The following OPCML variants were observed in gnomAD, a reference collection of about 807,000 sequenced individuals.
The protein encoded by OPCML is opioid-binding protein/cell adhesion molecule.
OPCML carries 13 observed loss-of-function variants against 37.8 expected under a neutral mutation model. The ratio of observed to expected loss-of-function variants is 0.34; its 90% confidence interval spans 0.22 to 0.55. OPCML has a LOEUF of 0.55. Among genes scored for constraint, OPCML ranks in the 20% least tolerant of loss-of-function variants. The pLI, the probability that OPCML is intolerant of heterozygous loss-of-function variation, is 0.91. For synonymous variants in OPCML, 176 were observed against 168.8 expected (o/e 1.04, Z -0.33); for missense variants, 341 against 435.6 (o/e 0.78, Z 1.93).
At chr11:133,057,791 A>T (rs1318569099) in intron 1 of OPCML, among the ~76,000 whole-genome samples, 3 of 152,060 alleles carry the variant, frequency 2.0e-5, no homozygotes, top group Non-Finnish European at 4.4e-5. Context: ...TGACCCTCTC[A>T]AGTCCTTAGT....
intron 2 of OPCML, among the ~76,000 whole-genome samples, chr11:132,831,483 T>C (rs1167971114): frequency 6.6e-6 from 1 of 152,182 alleles, no homozygotes; most frequent in Non-Finnish European, 1.5e-5. Flanking sequence ...AGTTTGTAGG[T>C]GAATCAGTCT....
intron 1 of OPCML, among the ~76,000 whole-genome samples, chr11:133,459,460 A>T (rs1304579848): frequency 6.6e-6 from 1 of 152,100 alleles, no homozygotes; most frequent in Non-Finnish European, 1.5e-5. Context: ...GAATCCAAGC[A>T]TATCCTATAT....
intron 2 of OPCML, among the ~76,000 whole-genome samples, chr11:132,792,450 T>C (rs1937978644): frequency 6.6e-6 from 1 of 152,198 alleles, no homozygotes; most frequent in South Asian, 2.1e-4. Context: ...AAGACTAAAG[T>C]AATTAAGGCT....
rs533525267 is a variant in OPCML, at chr11:133,463,854, G to A, written c.61+68410C>T. Among the ~76,000 whole-genome samples the A allele has an allele frequency of 5.9e-5, 9 of 152,220 alleles. No homozygotes were observed. The South Asian group carries it at 1.7e-3, about 28-fold the overall frequency. On this transcript the variant is annotated intron_variant, in intron 1 of 7. Coordinates refer to ENST00000524381, the MANE Select transcript of OPCML (RefSeq NM_001012393.5). ...GCAAATTACATGAAAAGATTCAAGA[G>A]GACTCAAAACATTGAAATAGATCTT...
chr11:132,522,686 T>C (rs1213589687), intron 4 of OPCML, among the ~76,000 whole-genome samples: 1 of 152,194 alleles, frequency 6.6e-6, no homozygotes, highest in African/African-American at 2.4e-5. Flanking sequence ...GTGAGATAAA[T>C]CGACATTTCG....
chr11:132,571,005 A>C (rs1253431859), intron 3 of OPCML, among the ~76,000 whole-genome samples: 1 of 151,468 alleles, frequency 6.6e-6, no homozygotes, highest in Non-Finnish European at 1.5e-5. Context: ...GAAAAGGGAG[A>C]GGAAGACACA....
At chr11:132,717,498 T>C (rs970221020) in intron 2 of OPCML, among the ~76,000 whole-genome samples, 1 of 152,086 alleles carries the variant, frequency 6.6e-6, no homozygotes, top group Non-Finnish European at 1.5e-5. Context: ...CAAACATGTA[T>C]AAAGCAAAAC....
chr11:133,423,319 CT>C lies in OPCML; in HGVS notation c.61+108944del, dbSNP rs144922372. 3.2e-3 allele frequency: 3,140 copies of C among 985,354 alleles called. 3 individuals are homozygous for C. The highest frequency in any genetic ancestry group is 3.5e-3 in the Non-Finnish European group (2,927 of 829,926). 61.0% of individuals were successfully genotyped at this position (985,354 alleles called of 1,614,324 possible). A position where few individuals can be genotyped will look rare whatever the true frequency, so the allele number is the denominator to read the frequency against. ...GAATGAAGTTCTGAGGGATTTCCAC[CT>C]GACAATGGGCATCTGTTGGTCATGT... is the stretch of plus-strand genomic sequence containing the variant. On this transcript the variant is annotated intron_variant, in intron 1 of 7. Coordinates refer to ENST00000524381, the MANE Select transcript of OPCML (RefSeq NM_001012393.5).
intron 2 of OPCML, among the ~76,000 whole-genome samples, chr11:132,788,965 G>A (rs11223208): frequency 0.2 from 30,060 of 152,070 alleles, 3,770 homozygotes; most frequent in Non-Finnish European, 0.3. Context: ...CTTAGCCTTC[G>A]TGTTCCTCTC....
At chr11:132,471,957 A>C (rs2096139292) in intron 4 of OPCML, among the ~76,000 whole-genome samples, 1 of 152,120 alleles carries the variant, frequency 6.6e-6, no homozygotes, top group South Asian at 2.1e-4. Flanking sequence ...TGAAACACAG[A>C]CACGGTGGAG....
At chr11:133,368,898 T>C (rs948284160) in intron 1 of OPCML, among the ~76,000 whole-genome samples, 2 of 152,212 alleles carry the variant, frequency 1.3e-5, no homozygotes, top group Admixed American at 1.3e-4. Flanking sequence ...CCCTGGATAT[T>C]TGATTCCTCA....
intron 2 of OPCML, among the ~76,000 whole-genome samples, chr11:132,875,745 G>C (rs1415469799): frequency 1.3e-5 from 2 of 152,100 alleles, no homozygotes; most frequent in East Asian, 1.9e-4. Context: ...TTATAGGTGT[G>C]AGTCACCATG....
intron 1 of OPCML, among the ~76,000 whole-genome samples, chr11:132,959,547 G>C (rs1311496899): frequency 6.6e-6 from 1 of 152,244 alleles, no homozygotes; most frequent in African/African-American, 2.4e-5. Flanking sequence ...GGGAAGGGAA[G>C]AGTGGGGCAC....
intron 2 of OPCML, among the ~76,000 whole-genome samples, chr11:132,766,482 G>A (rs1161351253): frequency 3.9e-5 from 6 of 152,246 alleles, no homozygotes; most frequent in African/African-American, 1.4e-4. Flanking sequence ...GCCCATAAAT[G>A]TATAACCTGA....
intron 1 of OPCML, among the ~76,000 whole-genome samples, chr11:133,204,768 A>T (rs2602813): frequency 0.71 from 106,820 of 150,874 alleles, 39,810 homozygotes; most frequent in African/African-American, 0.92. Flanking sequence ...CTCAGAAACA[A>T]GGAAAATCAG....
chr11:133,163,077 C>G (rs984874252), intron 1 of OPCML, among the ~76,000 whole-genome samples: 9 of 152,330 alleles, frequency 5.9e-5, no homozygotes, highest in African/African-American at 1.9e-4. Flanking sequence ...CACTTTCCCA[C>G]TGTGAGATGA....
intron 2 of OPCML, among the ~76,000 whole-genome samples, chr11:132,840,135 G>C (rs986006034): frequency 6.6e-6 from 1 of 152,122 alleles, no homozygotes; most frequent in African/African-American, 2.4e-5. Context: ...GACAATTTAG[G>C]ATAAGAAGGG....
At chr11:132,816,146 C>A (rs1939621276) in intron 2 of OPCML, among the ~76,000 whole-genome samples, 1 of 152,194 alleles carries the variant, frequency 6.6e-6, no homozygotes. Flanking sequence ...GCTTTCTAAG[C>A]AGCATGAAAA....
At chr11:132,973,121 C>A (rs1387106773) in intron 1 of OPCML, among the ~76,000 whole-genome samples, 2 of 152,134 alleles carry the variant, frequency 1.3e-5, no homozygotes, top group African/African-American at 4.8e-5. Flanking sequence ...ACTTGACAAC[C>A]TTTTTCTCCT....
Sources: gnomAD v4.1 joint callset for allele counts (sites outside exome capture counted in the v4.1 genomes callset) on GRCh38, gnomAD v4.1.1 for gene constraint, MANE v1.5 for transcripts, NCBI Gene and HGNC (gene_info 2026-07-23, HGNC 2026-07-21) for gene names.